Variants in GRIN2B observed in about 807,000 individuals in gnomAD.
GRIN2B encodes the protein glutamate ionotropic receptor NMDA type subunit 2B, also known as glutamate receptor ionotropic, NMDA 2B.
A neutral mutation model predicts 114.5 loss-of-function variants in GRIN2B; 5 were observed. The observed-to-expected ratio is 0.04, with a 90% CI of 0.02 to 0.09. The LOEUF (loss-of-function observed/expected upper bound fraction) is 0.09, where lower values mean the gene tolerates loss of function less well. Among genes scored for constraint, GRIN2B ranks in the 10% least tolerant of loss-of-function variants. The pLI is 1.00. For synonymous variants in GRIN2B, 787 were observed against 745.1 expected, an observed-to-expected ratio of 1.06 and a Z score of -0.92; for missense variants, 1,108 against 1,943.5, an observed-to-expected ratio of 0.57 and a Z score of 8.08.
At chr12:13,952,630 A>C (rs1867508508) in intron 2 of GRIN2B, among the ~76,000 whole-genome samples, 1 of 152,076 alleles carries the variant, frequency 6.6e-6, no homozygotes, top group African/African-American at 2.4e-5. Flanking sequence ...AAAACTATTT[A>C]AAAGATCCTG....
chr12:13,660,856 T>C (rs1463372729), intron 5 of GRIN2B, among the ~76,000 whole-genome samples: 1 of 152,220 alleles, frequency 6.6e-6, no homozygotes, highest in Non-Finnish European at 1.5e-5. Flanking sequence ...ACGGCTCTTC[T>C]GCTTTGACAA....
At chr12:13,785,087 C>T (rs1394340771) in intron 3 of GRIN2B, among the ~76,000 whole-genome samples, 2 of 152,180 alleles carry the variant, frequency 1.3e-5, no homozygotes, top group African/African-American at 4.8e-5. Flanking sequence ...GTTTTAGCTT[C>T]GCAATTCAAT....
intron 2 of GRIN2B, among the ~76,000 whole-genome samples, chr12:13,881,153 A>G (rs1294006301): frequency 2.0e-5 from 3 of 151,964 alleles, no homozygotes; most frequent in African/African-American, 2.4e-5. Flanking sequence ...TGTGTCTTAA[A>G]TCTGTCTTCT....
chr12:13,861,715 A>T (rs1168139467), intron 3 of GRIN2B, among the ~76,000 whole-genome samples: 1 of 152,178 alleles, frequency 6.6e-6, no homozygotes, highest in East Asian at 1.9e-4. Context: ...CCCACCTCAC[A>T]CTTCAGAGCC....
At chr12:13,716,140 A>T (rs773464286) in intron 4 of GRIN2B, among the ~76,000 whole-genome samples, 54 of 151,926 alleles carry the variant, frequency 3.6e-4, no homozygotes, top group Non-Finnish European at 6.6e-4. Context: ...GGGGATAAGA[A>T]TATCCCCAAT....
At chr12:13,718,530 T>C (rs1950479176) in intron 4 of GRIN2B, among the ~76,000 whole-genome samples, 1 of 152,080 alleles carries the variant, frequency 6.6e-6, no homozygotes, top group Non-Finnish European at 1.5e-5. Context: ...CAAGTGTAAA[T>C]TGTGTGCTTT....
intron 10 of GRIN2B, among the ~76,000 whole-genome samples, chr12:13,605,551 T>TCTCTCTCTCTCTCTCTCA: frequency 3.3e-5 from 1 of 30,448 alleles, no homozygotes; most frequent in African/African-American, 1.0e-4. Flanking sequence ...TCTCTCTCTC[T>TCTCTCTCTCTCTCTCTCA]GACACACACA....
chr12:13,864,940 C>G (rs1056705089), intron 3 of GRIN2B, among the ~76,000 whole-genome samples: 1 of 152,172 alleles, frequency 6.6e-6, no homozygotes, highest in African/African-American at 2.4e-5. Context: ...AATGTGCACC[C>G]AATTGCCTTC....
intron 5 of GRIN2B, among the ~76,000 whole-genome samples, chr12:13,619,268 T>C (rs1949487154): frequency 6.6e-6 from 1 of 152,214 alleles, no homozygotes; most frequent in Non-Finnish European, 1.5e-5. Flanking sequence ...ATTTTGATGT[T>C]TTAAAAAGCA....
chr12:13,905,538 C>G (rs189188725), intron 2 of GRIN2B, among the ~76,000 whole-genome samples: 1 of 152,266 alleles, frequency 6.6e-6, no homozygotes, highest in Non-Finnish European at 1.5e-5. Context: ...ATGTGCTGAT[C>G]TGTTTCTGCA....
chr12:13,699,991 T>C (rs1290130572), intron 4 of GRIN2B, among the ~76,000 whole-genome samples: 1 of 151,860 alleles, frequency 6.6e-6, no homozygotes, highest in African/African-American at 2.4e-5. Flanking sequence ...GACCACGTAA[T>C]TCACTCCTTT....
At chr12:13,774,584 T>C (rs1300481990) in intron 3 of GRIN2B, among the ~76,000 whole-genome samples, 1 of 152,208 alleles carries the variant, frequency 6.6e-6, no homozygotes, top group African/African-American at 2.4e-5. Context: ...AAATCAAGTG[T>C]ACAAAGCAAG....
rs1381780747 is a variant in GRIN2B at position 13,554,509 on chromosome 12, A to G, written c.*8274T>C. ...CAAGCTGGTAGGGAAAGGTGAAACA[A>G]ATGTTATTCAGCTTGTCTGGATTAT... On this transcript the variant is annotated 3_prime_UTR_variant, in exon 14 of 14. Transcript: ENST00000609686. 6.6e-6 allele frequency: 1 copy of G among 152,104 alleles called. No individual in the cohort carries two copies. Among genetic ancestry groups the G allele is most frequent in the South Asian group, 2.1e-4 (1 of 4,832 alleles). 9.4% of individuals were successfully genotyped at this position (152,104 alleles called of 1,614,324 possible).
chr12:13,829,302 A>G (rs1371103724), intron 3 of GRIN2B, among the ~76,000 whole-genome samples: 1 of 152,228 alleles, frequency 6.6e-6, no homozygotes, highest in Non-Finnish European at 1.5e-5. Flanking sequence ...TGTAACTGCC[A>G]TTAGATCTAA....
intron 3 of GRIN2B, among the ~76,000 whole-genome samples, chr12:13,773,204 G>A (rs1863939560): frequency 6.6e-6 from 1 of 152,184 alleles, no homozygotes; most frequent in Non-Finnish European, 1.5e-5. Flanking sequence ...TTATGAAAGA[G>A]ACAAAATATC....
intron 3 of GRIN2B, among the ~76,000 whole-genome samples, chr12:13,857,361 G>A (rs113540954): frequency 2.7e-5 from 4 of 147,818 alleles, no homozygotes; most frequent in African/African-American, 5.1e-5. Flanking sequence ...TGCCTGTGGC[G>A]CACGCGTGCA....
chr12:13,609,933 A>G (rs552364832), intron 9 of GRIN2B: 1 of 152,302 alleles, frequency 6.6e-6, no homozygotes, highest in South Asian at 2.1e-4. Flanking sequence ...CCATGTATGT[A>G]TTGTGACCTC....
chr12:13,786,205 C>A (rs564834760), intron 3 of GRIN2B, among the ~76,000 whole-genome samples: 1 of 152,254 alleles, frequency 6.6e-6, no homozygotes, highest in East Asian at 1.9e-4. Context: ...CTTTAATCAT[C>A]CATAGTTATT....
intron 10 of GRIN2B, among the ~76,000 whole-genome samples, chr12:13,583,039 CCTATATTAA>C (rs1357674064): frequency 6.6e-6 from 1 of 152,112 alleles, no homozygotes; most frequent in Admixed American, 6.5e-5. Flanking sequence ...TGGGTTTATT[CCTATATTAA>C]CTATATTAAC....
Sources: gnomAD v4.1 joint callset for allele counts (sites outside exome capture counted in the v4.1 genomes callset) on GRCh38, gnomAD v4.1.1 for gene constraint, MANE v1.5 for transcripts, NCBI Gene and HGNC (gene_info 2026-07-23, HGNC 2026-07-21) for gene names.